Variants in EXOC4 observed in about 807,000 individuals in gnomAD.
The protein encoded by EXOC4 is SEC8-like 1.
A neutral mutation model predicts 107.2 loss-of-function variants in EXOC4; 71 were observed. The observed-to-expected ratio is 0.66, with a 90% CI of 0.55 to 0.81. The LOEUF is 0.81. Among genes scored for constraint, EXOC4 ranks in the 30% least tolerant of loss-of-function variants. EXOC4 has a pLI of 0.00. For missense variants in EXOC4, 1,108 were observed against 1,189.6 expected (o/e 0.93, Z 1.01); for synonymous variants, 456 against 441.2 (o/e 1.03, Z -0.42).
the EXOC4 span, among the ~76,000 whole-genome samples, chr7:134,074,971 T>C: frequency 2.0e-5 from 3 of 152,074 alleles, no homozygotes; most frequent in South Asian, 6.2e-4. Flanking sequence ...AGGGCTGAGA[T>C]GAAGGTATGC....
At chr7:133,697,448 A>G (rs1005437425) in intron 10 of EXOC4, among the ~76,000 whole-genome samples, 41 of 152,200 alleles carry the variant, frequency 2.7e-4, no homozygotes, top group Non-Finnish European at 2.9e-5. Flanking sequence ...AACTTACAGA[A>G]AGCCACAAAA....
the EXOC4 span, among the ~76,000 whole-genome samples, chr7:134,099,092 G>A: frequency 6.6e-6 from 1 of 152,144 alleles, no homozygotes; most frequent in East Asian, 1.9e-4. Context: ...TAACCCCCCA[G>A]TACCTCAGAA....
intron 14 of EXOC4, among the ~76,000 whole-genome samples, chr7:133,966,079 T>G (rs1187225441): frequency 6.6e-6 from 1 of 152,228 alleles, no homozygotes; most frequent in African/African-American, 2.4e-5. Context: ...TTTATTCTCT[T>G]TGCAGCAATT....
rs1798676549 is a variant in EXOC4 at position 133,867,986 on chromosome 7, A to G, written c.1735-27613A>G. Reference sequence around the variant, plus strand: ...AGGTTATTTCATTAATGTGGTAAGCAAATGATTGCCAAGAACACAGAAGGT... The same window carrying G: ...AGGTTATTTCATTAATGTGGTAAGCGAATGATTGCCAAGAACACAGAAGGT... On this transcript the variant is annotated intron_variant, in intron 11 of 17. Transcript: ENST00000253861. Among the ~76,000 whole-genome samples, 7 of 152,266 alleles carry G rather than the reference A, an allele frequency of 4.6e-5. No homozygotes were observed. The South Asian group carries it at 1.2e-3, about 27-fold the overall frequency.
Position 133,857,272 on chromosome 7 carries a change from T to TTACCTCTACTTA in EXOC4, c.1735-38327_1735-38326insTACCTCTACTTA, listed in dbSNP as rs1798417342. 7.0e-5 allele frequency among the ~76,000 whole-genome samples: 2 copies of TTACCTCTACTTA among 28,426 alleles called. 1 individual carries two copies. Among genetic ancestry groups the TTACCTCTACTTA allele is most frequent in the Non-Finnish European group, 1.1e-4 (2 of 18,762 alleles). 18.6% of individuals were successfully genotyped at this position (28,426 alleles called of 152,430 possible). Reference sequence around the variant, plus strand: ...ATATATATATATATATATATATATATACACGTATATATATATATATATATA... The same window carrying TTACCTCTACTTA: ...ATATATATATATATATATATATATATTACCTCTACTTAACACGTATATATATATATATATATA... On this transcript the variant is annotated intron_variant, in intron 11 of 17. Transcript: ENST00000253861.
intron 9 of EXOC4, among the ~76,000 whole-genome samples, chr7:133,497,002 A>G (rs1446843879): frequency 1.3e-5 from 2 of 152,168 alleles, no homozygotes; most frequent in African/African-American, 4.8e-5. Context: ...TCAAAGTAGT[A>G]ATTCTTGTGA....
chr7:133,385,610 AT>A (rs770588630), intron 7 of EXOC4, among the ~76,000 whole-genome samples: 9 of 152,144 alleles, frequency 5.9e-5, no homozygotes, highest in Non-Finnish European at 1.2e-4. Flanking sequence ...TACTGAAATG[AT>A]TTTTTATATG....
chr7:133,597,415 A>G (rs1801700441), intron 9 of EXOC4, among the ~76,000 whole-genome samples: 1 of 152,102 alleles, frequency 6.6e-6, no homozygotes, highest in South Asian at 2.1e-4. Context: ...TAAGCCAGGC[A>G]TGGTGGCACA....
chr7:133,354,557 C>G (rs938244925), intron 5 of EXOC4, among the ~76,000 whole-genome samples: 1 of 151,944 alleles, frequency 6.6e-6, no homozygotes, highest in Non-Finnish European at 1.5e-5. Flanking sequence ...GGCTGTTTAA[C>G]TTCCCTGGAA....
At chr7:133,271,986 G>A (rs1793882227) in intron 1 of EXOC4, among the ~76,000 whole-genome samples, 1 of 151,890 alleles carries the variant, frequency 6.6e-6, no homozygotes, top group Non-Finnish European at 1.5e-5. Flanking sequence ...GTCTTCAGAG[G>A]GTGTACTTTT....
chr7:133,359,844 G>GT (rs1462098633), intron 6 of EXOC4, among the ~76,000 whole-genome samples: 1 of 152,084 alleles, frequency 6.6e-6, no homozygotes, highest in African/African-American at 2.4e-5. Context: ...AATCACTTTG[G>GT]TGACCTACTT....
At chr7:133,537,304 C>CCCG (rs1800291551) in intron 9 of EXOC4, among the ~76,000 whole-genome samples, 2 of 149,082 alleles carry the variant, frequency 1.3e-5, no homozygotes, top group Middle Eastern at 3.2e-3. Flanking sequence ...GCACCCCCCC[C>CCCG]CCCACCACAC....
At position 133,344,235 on chromosome 7, in the gene EXOC4, C is replaced by T. The variant is rs187037648; in HGVS notation, c.764-12095C>T. 5.9e-5 allele frequency among the ~76,000 whole-genome samples: 9 copies of T among 152,230 alleles called. No homozygotes were observed. In the East Asian group the frequency reaches 1.7e-3, roughly 29 times the overall value. The stretch of plus-strand genomic sequence containing the variant: ...AATTTCTGGCTCAAGGTAGCTTTTC[C>T]TATCCCAAATTCTTGTTTGAGTATA... On this transcript the variant is annotated intron_variant, in intron 5 of 17. Coordinates refer to ENST00000253861, the MANE Select transcript of EXOC4 (RefSeq NM_021807.4).
chr7:134,070,668 C>T (rs1233217909), downstream of EXOC4, among the ~76,000 whole-genome samples: 1 of 152,064 alleles, frequency 6.6e-6, no homozygotes, highest in Non-Finnish European at 1.5e-5. Flanking sequence ...ATTGCCAGGA[C>T]ATTTACACAC....
intron 4 of EXOC4, chr7:133,315,039 TTTTTGTGTTGC>T (rs1794959272): frequency 6.5e-6 from 1 of 153,170 alleles, no homozygotes; most frequent in African/African-American, 2.4e-5. Flanking sequence ...CTCCTGTGTG[TTTTTGTGTTGC>T]TTCTTCATGG....
chr7:134,075,789 AATTACCTGTGTG>A, the EXOC4 span, among the ~76,000 whole-genome samples: 2 of 152,080 alleles, frequency 1.3e-5, no homozygotes, highest in Non-Finnish European at 2.9e-5. Context: ...AAAGCCATTT[AATTACCTGTGTG>A]AAACCCTCCA....
intron 9 of EXOC4, among the ~76,000 whole-genome samples, chr7:133,536,014 A>G (rs1355215175): frequency 6.6e-6 from 1 of 152,200 alleles, no homozygotes; most frequent in South Asian, 2.1e-4. Context: ...TTGTTCAGAA[A>G]TGAAACTTTG....
chr7:133,316,624 C>T (rs573939782), intron 4 of EXOC4, among the ~76,000 whole-genome samples: 97 of 152,136 alleles, frequency 6.4e-4, no homozygotes, highest in Admixed American at 1.2e-3. Context: ...TTGATTTATG[C>T]GTTTATTTAA....
intron 9 of EXOC4, among the ~76,000 whole-genome samples, chr7:133,580,772 C>T (rs1801247226): frequency 6.6e-6 from 1 of 152,158 alleles, no homozygotes; most frequent in Non-Finnish European, 1.5e-5. Context: ...TAAGGTACTG[C>T]ATCTTAGTGT....
Sources: allele counts gnomAD v4.1 joint callset (sites outside exome capture counted in the v4.1 genomes callset), GRCh38; gene constraint gnomAD v4.1.1; transcripts MANE v1.5; gene names NCBI Gene and HGNC (gene_info 2026-07-23, HGNC 2026-07-21).